SLC30A2: variants seen among roughly 807,000 people sequenced by gnomAD.
SLC30A2 encodes the protein solute carrier family 30 member 2.
SLC30A2 carries 19 observed loss-of-function variants against 39.6 expected under a neutral mutation model. The ratio of observed to expected loss-of-function variants is 0.48; its 90% CI spans 0.34 to 0.70. The LOEUF (loss-of-function observed/expected upper bound fraction) is 0.70. SLC30A2 is among the 30% of genes least tolerant of loss of function. The pLI is 0.01. For missense variants in SLC30A2, 387 were observed against 479.4 expected (o/e 0.81, Z 1.80); for synonymous variants, 195 against 194.8 (o/e 1.00, Z -0.01).
At chr1:26,044,238 AC>A (rs2050433456) in intron 3 of SLC30A2, 59 bp downstream of exon 3, 4 of 1,575,546 alleles carry the variant, frequency 2.5e-6, no homozygotes, top group Non-Finnish European at 3.5e-6. Flanking sequence ...CCACCTAAGA[AC>A]CCCTGTTCTA....
In SLC30A2 at chr1:26,041,783, G is replaced by A. The variant is rs1201477461; in HGVS notation, c.755C>T (p.Pro252Leu). ...GATGGAGAAGACGAAGGTGCAGATG[G>A]GGTCTACATACTTGTATTCTGGCTG... ...YFKPEYKYVD[P>L]ICTFVFSILV... Residue 252 changes from proline to leucine, a missense_variant, in exon 6 of 8, where the codon CCC becomes CTC. Physicochemically the swap from Pro to Leu is moderately conservative, Grantham distance 98. Transcript: ENST00000374276. 2.5e-6 allele frequency: 4 copies of A among 1,612,208 alleles called. No homozygotes were observed. The highest frequency in any genetic ancestry group is 3.4e-6 in the Non-Finnish European group (4 of 1,178,420).
intron 6 of SLC30A2, among the ~76,000 whole-genome samples, chr1:26,040,538 C>T (rs564067659): frequency 2.0e-4 from 30 of 152,150 alleles, no homozygotes; most frequent in African/African-American, 5.5e-4. Context: ...TGTGAGCCAC[C>T]GCACCTGGCC....
rs2050372248 is a variant in SLC30A2 at position 26,039,253 on chromosome 1, T to C, written c.1026A>G (p.Gln342=). The change falls in exon 8 of 8, where the codon CAA becomes CAG. Residue 342 remains glutamine (Q), a synonymous_variant. Transcript: ENST00000374276. The surrounding 1 kb of genome is among the most constrained non-coding windows in gnomAD (Gnocchi z 4.3). The stretch of plus-strand genomic sequence containing the variant: ...TCACGGTGTGGAAGTGGAACTTCCC[T>C]TGGAGGCGGCTGCTGGCTGTCTTCA... ...AVLKTASSRL[Q]GKFHFHTVTI... is the part of the protein sequence containing the mutation. 4 of 1,614,124 alleles carry C rather than the reference T, an allele frequency of 2.5e-6. No individual in the cohort carries two copies. The East Asian group carries it at 6.7e-5, about 27-fold the overall frequency.
intron 6 of SLC30A2, 57 bp downstream of exon 6, chr1:26,041,643 G>T: frequency 1.0e-6 from 1 of 1,001,574 alleles, no homozygotes; most frequent in South Asian, 1.3e-5. Flanking sequence ...TACCCTATTT[G>T]AGCTGATTAG....
intron 6 of SLC30A2, among the ~76,000 whole-genome samples, chr1:26,041,112 GA>G (rs985993733): frequency 1.1e-4 from 16 of 145,976 alleles, no homozygotes; most frequent in South Asian, 6.6e-4. Flanking sequence ...AAAGAAAAAA[GA>G]AAAAAAAAAG....
chr1:26,045,331 G>C (rs2050449224), intron 1 of SLC30A2, 114 bp from the exon 2 acceptor site: 1 of 820,592 alleles, frequency 1.2e-6, no homozygotes, highest in Non-Finnish European at 1.9e-6. Flanking sequence ...AGCTAAGGAC[G>C]CTCCGAGCTC....
Position 26,041,804 on chromosome 1 carries a change from G to A in SLC30A2, c.734C>T (p.Pro245Leu). Residue 245 changes from proline (P) to leucine (L), a missense_variant and splice_region_variant, in exon 6 of 8, where the codon CCA (proline) becomes CTA (leucine). Coordinates refer to ENST00000374276, the MANE Select transcript of SLC30A2 (RefSeq NM_001004434.3). ...GATGGGGTCTACATACTTGTATTCT[G>A]GCTGCAGGAAGACAGGAAGGCAGAC... ...LVAAYILYFK[P>L]EYKYVDPICT... 1 of 1,599,460 alleles carries A rather than the reference G, an allele frequency of 6.3e-7. No individual in the cohort carries two copies. The highest frequency in any genetic ancestry group is 8.6e-7 in the Non-Finnish European group (1 of 1,166,954).
rs571313675 is a variant in SLC30A2, at chr1:26,045,096, C to T, written c.172G>A (p.Gly58Ser). Residue 58 changes from glycine (G) to serine (S), a missense_variant, in exon 2 of 8, where the codon GGT becomes AGT. Gly to Ser is a moderately conservative substitution (Grantham distance 56, BLOSUM62 0). Transcript: ENST00000374276. Reference sequence around the variant, plus strand: ...TTGGGGTCACAGTGACTGTCAGGACCCTTCTGAGCATGGCAGTGATGGTTG... The same window carrying T: ...TTGGGGTCACAGTGACTGTCAGGACTCTTCTGAGCATGGCAGTGATGGTTG... Reference protein sequence around the residue: ...QSNHHCHAQKGPDSHCDPKKG... With the variant: ...QSNHHCHAQKSPDSHCDPKKG... 1.9e-6 allele frequency: 3 copies of T among 1,614,204 alleles called. No individual in the cohort carries two copies. Among genetic ancestry groups the T allele is most frequent in the East Asian group, 2.2e-5 (1 of 44,882 alleles).
chr1:26,042,100 T>A (rs973389580), intron 5 of SLC30A2, among the ~76,000 whole-genome samples: 17 of 152,168 alleles, frequency 1.1e-4, no homozygotes, highest in African/African-American at 3.9e-4. Context: ...TCCGTCCCCA[T>A]TTGACAGATG....
At chr1:26,044,585 G>C (rs1315202876) in intron 2 of SLC30A2, 141 bp from the exon 3 acceptor site, 1 of 759,364 alleles carries the variant, frequency 1.3e-6, no homozygotes, top group Non-Finnish European at 2.1e-6. Flanking sequence ...ACCGTGACAA[G>C]TGACCTACTC....
Position 26,045,946 on chromosome 1 carries a change from G to T in SLC30A2, c.-50C>A, listed in dbSNP as rs539441772. ...GCCGCGCAGCCGCCCCGCCGAGTGC[G>T]CCCTGAAAGTTGCGCGCGGGACTCC... On this transcript the variant is annotated 5_prime_UTR_variant, in exon 1 of 8. Transcript: ENST00000374276. 2 of 1,601,410 alleles carry T rather than the reference G, an allele frequency of 1.2e-6. No homozygotes were observed. Among genetic ancestry groups the T allele is most frequent in the South Asian group, 2.2e-5 (2 of 90,872 alleles).
Position 26,044,318 on chromosome 1 carries a change from T to G in SLC30A2, c.398A>C (p.Asn133Thr), listed in dbSNP as rs1390399018. Residue 133 changes from asparagine (N) to threonine (T), a missense_variant, in exon 3 of 8, where the codon AAC becomes ACC. Transcript: ENST00000374276. ...CTCACCAGCTCTCTGCCAGCCAAAGTTCATGGTCTTGGTGGCTGGCCGGGA... is the reference window on the plus strand; with the variant it reads ...CTCACCAGCTCTCTGCCAGCCAAAGGTCATGGTCTTGGTGGCTGGCCGGGA... Reference protein sequence around the residue: ...MSSRPATKTMNFGWQRAEILG... With the variant: ...MSSRPATKTMTFGWQRAEILG... 1 of 1,614,012 alleles carries G rather than the reference T, an allele frequency of 6.2e-7. No individual in the cohort carries two copies. Among genetic ancestry groups the G allele is most frequent in the Non-Finnish European group, 8.5e-7 (1 of 1,179,990 alleles).
rs1470066649 is a variant in SLC30A2 at position 26,041,791 on chromosome 1, A to G, written c.747T>C (p.Tyr249=). The change falls in exon 6 of 8, where the codon TAT becomes TAC. Residue 249 remains tyrosine (Y), a synonymous_variant. Coordinates refer to ENST00000374276, the MANE Select transcript of SLC30A2 (RefSeq NM_001004434.3). The part of the protein sequence containing the change: ...YILYFKPEYK[Y]VDPICTFVFS... The stretch of plus-strand genomic sequence containing the variant: ...AGACGAAGGTGCAGATGGGGTCTAC[A>G]TACTTGTATTCTGGCTGCAGGAAGA... 8 of 1,610,670 alleles carry G rather than the reference A, an allele frequency of 5.0e-6. No individual in the cohort carries two copies. The highest frequency in any genetic ancestry group is 1.7e-5 in the Admixed American group (1 of 60,010).
chr1:26,039,151 G>C lies in SLC30A2; in HGVS notation c.*9C>G, dbSNP rs746736506. 2 of 1,612,616 alleles carry C rather than the reference G, an allele frequency of 1.2e-6. No homozygotes were observed. The highest frequency in any genetic ancestry group is 3.3e-5 in the Admixed American group (2 of 59,974). ...CTGTTCATGCCCCAGTTGGTGCCTG[G>C]CTGAGCAGTCAGTCTGAGGGGCCCT... On this transcript the variant is annotated 3_prime_UTR_variant, in exon 8 of 8. Transcript: ENST00000374276. The surrounding 1 kb of genome is among the most constrained non-coding windows in gnomAD (Gnocchi z 4.3).
Position 26,045,208 on chromosome 1 carries a change from C to G in SLC30A2, c.60G>C (p.Thr20=), listed in dbSNP as rs372550969. The G allele has an allele frequency of 1.2e-6, 2 of 1,611,010 alleles. No individual in the cohort carries two copies. The highest frequency in any genetic ancestry group is 1.7e-6 in the Non-Finnish European group (2 of 1,178,996). The change falls in exon 2 of 8, where the codon ACG becomes ACC. Residue 20 remains threonine, a synonymous_variant. Coordinates refer to ENST00000374276, the MANE Select transcript of SLC30A2 (RefSeq NM_001004434.3). ...CAGCCCCTTCCTGCCACAGAGATCC[C>G]GTGTATGACCTGGCCAGAGGGGAAG... ...LDARPAIRSY[T]GSLWQEGAGW...
In SLC30A2 at chr1:26,045,088, G is replaced by A. The variant is rs2050444961; in HGVS notation, c.180C>T (p.Asp60=). 1.2e-6 allele frequency: 2 copies of A among 1,614,094 alleles called. No individual in the cohort carries two copies. The highest frequency in any genetic ancestry group is 2.7e-5 in the African/African-American group (2 of 74,940). ...NHHCHAQKGP[D]SHCDPKKGKA... Reference sequence around the variant, plus strand: ...TCCCCTTCTTGGGGTCACAGTGACTGTCAGGACCCTTCTGAGCATGGCAGT... The same window carrying A: ...TCCCCTTCTTGGGGTCACAGTGACTATCAGGACCCTTCTGAGCATGGCAGT... Residue 60 remains aspartate (D), a synonymous_variant, in exon 2 of 8, where the codon GAC becomes GAT. Transcript: ENST00000374276.
chr1:26,041,699 C>T lies in SLC30A2; in HGVS notation c.838+1G>A. The T allele has an allele frequency of 3.8e-6, 6 of 1,596,468 alleles. No individual in the cohort carries two copies. Among genetic ancestry groups the T allele is most frequent in the Non-Finnish European group, 5.2e-6 (6 of 1,164,066 alleles). ...AAAGGGAGCCACAAAGCCCAGGTTA[C>T]CTTCCATCAACACCAGGATCACATC... On this transcript the variant is annotated splice_donor_variant, in intron 6 of 7. Coordinates refer to ENST00000374276, the MANE Select transcript of SLC30A2 (RefSeq NM_001004434.3). LOFTEE classifies it high-confidence loss of function.
At position 26,045,057 on chromosome 1, in the gene SLC30A2, G is replaced by C; in HGVS notation, c.211C>G (p.Gln71Glu). The C allele has an allele frequency of 6.2e-7, 1 of 1,614,228 alleles. No homozygotes were observed. Among genetic ancestry groups the C allele is most frequent in the Non-Finnish European group, 8.5e-7 (1 of 1,180,048 alleles). The change falls in exon 2 of 8, where the codon CAG (glutamine) becomes GAG (glutamate). Residue 71 changes from glutamine to glutamate, a missense_variant. Coordinates refer to ENST00000374276, the MANE Select transcript of SLC30A2 (RefSeq NM_001004434.3). The part of the protein sequence containing the change: ...SHCDPKKGKA[Q>E]RQLYVASAIC... ...GCAGAGGCTACATACAGCTGGCGCT[G>C]GGCCTTCCCCTTCTTGGGGTCACAG...
chr1:26,039,964 GC>G lies in SLC30A2; in HGVS notation c.839-54del. ...AAAGGAAACTACCCCTCCCACGCCTGCCCATTGGTGCAGGGCTGGCTCCTGA... is the reference window on the plus strand; with the variant it reads ...AAAGGAAACTACCCCTCCCACGCCTGCCATTGGTGCAGGGCTGGCTCCTGA... On this transcript the variant is annotated intron_variant, in intron 6 of 7. Coordinates refer to ENST00000374276, the MANE Select transcript of SLC30A2 (RefSeq NM_001004434.3). The surrounding 1 kb of genome is among the most constrained non-coding windows in gnomAD (Gnocchi z 4.3). The G allele has an allele frequency of 6.2e-7, 1 of 1,605,210 alleles. No individual in the cohort carries two copies. The highest frequency in any genetic ancestry group is 8.5e-7 in the Non-Finnish European group (1 of 1,173,398).
Sources: allele counts gnomAD v4.1 joint callset (sites outside exome capture counted in the v4.1 genomes callset), GRCh38; gene constraint gnomAD v4.1.1; non-coding constraint Gnocchi (gnomAD v3.1); transcripts MANE v1.5; gene names NCBI Gene and HGNC (gene_info 2026-07-23, HGNC 2026-07-21).